WDR27: variants seen among roughly 807,000 people sequenced by gnomAD.
WDR27 encodes the protein WD repeat domain 27, also known as WD repeat-containing protein 27.
A neutral mutation model predicts 114.4 loss-of-function variants in WDR27; 100 were observed. The ratio of observed to expected loss-of-function variants is 0.87; its 90% CI spans 0.74 to 1.03. The LOEUF (loss-of-function observed/expected upper bound fraction) is 1.03. WDR27 is among the 50% of genes least tolerant of loss of function. The probability of loss-of-function intolerance (pLI) is 0.00; values close to 1 mark genes in which losing one functional copy is unlikely to be tolerated. For missense variants in WDR27, 1,129 were observed against 1,092.9 expected, an observed-to-expected ratio of 1.03 and a Z score of -0.47; for synonymous variants, 449 against 423.1, an observed-to-expected ratio of 1.06 and a Z score of -0.75.
Position 169,481,514 on chromosome 6 carries a change from A to G in WDR27, c.2646-23880T>C, listed in dbSNP as rs577719407. ...TTCGCAATAAATCTTGCTGCTGCTC[A>G]CTCTTCGGGTTCGTGGCGCCTTTAT... On this transcript the variant is annotated intron_variant, in intron 25 of 25. Coordinates refer to ENST00000448612, the MANE Select transcript of WDR27 (RefSeq NM_182552.5). 5.9e-5 allele frequency among the ~76,000 whole-genome samples: 9 copies of G among 152,036 alleles called. No homozygotes were observed. In the South Asian group the frequency reaches 1.9e-3, roughly 32 times the overall value.
intron 2 of WDR27, among the ~76,000 whole-genome samples, chr6:169,676,738 T>C (rs188159482): frequency 3.3e-4 from 51 of 152,300 alleles, no homozygotes; most frequent in Admixed American, 1.2e-3. Flanking sequence ...TTTCAACCAA[T>C]TGCAATTTAG....
At chr6:169,627,072 G>A (rs9371155) in intron 21 of WDR27, among the ~76,000 whole-genome samples, 14,439 of 152,176 alleles carry the variant, frequency 0.095, 1,834 homozygotes, top group East Asian at 0.61. Context: ...GTCCTCCAGC[G>A]CCGCTGTAAT....
the WDR27 span, among the ~76,000 whole-genome samples, chr6:169,449,415 G>A: frequency 3.3e-4 from 50 of 152,202 alleles, no homozygotes; most frequent in Non-Finnish European, 6.8e-4. Context: ...GGAAAATTGT[G>A]CAACGAGTGG....
intron 22 of WDR27, among the ~76,000 whole-genome samples, chr6:169,606,967 G>A (rs148443212): frequency 6.6e-6 from 1 of 152,106 alleles, no homozygotes; most frequent in African/African-American, 2.4e-5. Context: ...TATACAAATG[G>A]CCAGCAAGCA....
intron 2 of WDR27, among the ~76,000 whole-genome samples, chr6:169,679,045 G>C (rs576435024): frequency 1.3e-5 from 2 of 151,860 alleles, no homozygotes; most frequent in South Asian, 2.1e-4. Flanking sequence ...CCTTTCTATC[G>C]ATCTCAGATC....
intron 1 of WDR27, among the ~76,000 whole-genome samples, chr6:169,696,549 T>C (rs1191373837): frequency 6.6e-6 from 1 of 152,196 alleles, no homozygotes; most frequent in East Asian, 1.9e-4. Flanking sequence ...CCCACGGTCA[T>C]AGGAGAAAGA....
At chr6:169,497,101 T>C (rs977942762) in intron 25 of WDR27, among the ~76,000 whole-genome samples, 4 of 151,928 alleles carry the variant, frequency 2.6e-5, no homozygotes, top group Non-Finnish European at 4.4e-5. Flanking sequence ...TATAGACCAA[T>C]AGAATTAAAT....
the WDR27 span, among the ~76,000 whole-genome samples, chr6:169,442,400 C>T: frequency 2.0e-5 from 3 of 152,198 alleles, no homozygotes; most frequent in Admixed American, 1.3e-4. Flanking sequence ...AAAATAGACA[C>T]CCAGCATCTA....
chr6:169,569,929 T>C (rs1385638624), intron 25 of WDR27, among the ~76,000 whole-genome samples: 1 of 152,224 alleles, frequency 6.6e-6, no homozygotes, highest in African/African-American at 2.4e-5. Flanking sequence ...CAGAGCCATC[T>C]ACACTCAGAA....
At chr6:169,484,448 A>G (rs1197739010) in intron 25 of WDR27, among the ~76,000 whole-genome samples, 2 of 152,202 alleles carry the variant, frequency 1.3e-5, no homozygotes, top group African/African-American at 4.8e-5. Context: ...TAAAATACCT[A>G]GAAATACAAC....
chr6:169,525,360 C>A lies in WDR27; in HGVS notation c.2645+47059G>T, dbSNP rs373815985. On this transcript the variant is annotated intron_variant, in intron 25 of 25. Coordinates refer to ENST00000448612, the MANE Select transcript of WDR27 (RefSeq NM_182552.5). ...GACCATCCTGGCTAACACGGTGAAA[C>A]CCCGTCTCTACTAAAAATACAAAAA... is the stretch of plus-strand genomic sequence containing the variant. Among the ~76,000 whole-genome samples the A allele has an allele frequency of 2.0e-5, 3 of 151,718 alleles. No homozygotes were observed. In the East Asian group the frequency reaches 5.8e-4, roughly 29 times the overall value.
At chr6:169,579,508 C>G (rs537319391) in intron 24 of WDR27, among the ~76,000 whole-genome samples, 1 of 152,264 alleles carries the variant, frequency 6.6e-6, no homozygotes, top group African/African-American at 2.4e-5. Flanking sequence ...AGCACAGGAA[C>G]TGGCCCAAAC....
Position 169,531,655 on chromosome 6 carries a change from G to GT in WDR27, c.2645+40763dup, listed in dbSNP as rs11342717. 4.0e-3 allele frequency among the ~76,000 whole-genome samples: 535 copies of GT among 133,020 alleles called. 1 individual carries two copies. The highest frequency in any genetic ancestry group is 7.8e-3 in the South Asian group (32 of 4,096). The allele number at this position is 133,020 out of a possible 152,430, so 87.3% of individuals were successfully genotyped here. A position where few individuals can be genotyped will look rare whatever the true frequency, so the allele number is the denominator to read the frequency against. ...AGAATTCTGCAACATTAAACAGTTTGTTTTTTTTTTTTTTTTGAAATGGAG... is the reference window on the plus strand; with the variant it reads ...AGAATTCTGCAACATTAAACAGTTTGTTTTTTTTTTTTTTTTTGAAATGGAG... On this transcript the variant is annotated intron_variant, in intron 25 of 25. Transcript: ENST00000448612.
intron 21 of WDR27, among the ~76,000 whole-genome samples, chr6:169,630,754 C>T (rs907870628): frequency 1.3e-5 from 2 of 152,022 alleles, no homozygotes; most frequent in Admixed American, 6.6e-5. Context: ...ATTAGCCAGG[C>T]GTGGTGGCAC....
intron 4 of WDR27, chr6:169,669,940 T>C (rs747492567): frequency 4.6e-5 from 7 of 152,012 alleles, no homozygotes; most frequent in Non-Finnish European, 1.0e-4. Context: ...AGAAAAGCTA[T>C]TCAGGCCAAC....
downstream of WDR27, among the ~76,000 whole-genome samples, chr6:169,456,150 CAA>C (rs1373287735): frequency 6.6e-6 from 1 of 151,976 alleles, no homozygotes; most frequent in Admixed American, 6.5e-5. This position sits in a 1 kb window ranked among gnomAD's most constrained non-coding sequence, Gnocchi z 4.0. Flanking sequence ...CAAGGGGAAA[CAA>C]TATATTTTAA....
intron 1 of WDR27, among the ~76,000 whole-genome samples, chr6:169,700,951 T>C (rs1366043812): frequency 6.6e-6 from 1 of 152,208 alleles, no homozygotes; most frequent in Non-Finnish European, 1.5e-5. Context: ...TTTATTATTT[T>C]AGTGAGATTC....
chr6:169,454,151 G>T (rs1406790868), downstream of WDR27, among the ~76,000 whole-genome samples: 1 of 152,194 alleles, frequency 6.6e-6, no homozygotes, highest in African/African-American at 2.4e-5. Flanking sequence ...AAAGAAATGA[G>T]AGAAATAAAA....
intron 25 of WDR27, among the ~76,000 whole-genome samples, chr6:169,565,041 C>T (rs1432402325): frequency 6.6e-6 from 1 of 151,966 alleles, no homozygotes; most frequent in Non-Finnish European, 1.5e-5. Flanking sequence ...AGCCTGAAGC[C>T]TCGCCGAGCT....
Sources: gnomAD v4.1 joint callset for allele counts (sites outside exome capture counted in the v4.1 genomes callset) on GRCh38, gnomAD v4.1.1 for gene constraint, Gnocchi (gnomAD v3.1) non-coding constraint, MANE v1.5 for transcripts, NCBI Gene and HGNC (gene_info 2026-07-23, HGNC 2026-07-21) for gene names.